Variants in KAZN observed in about 807,000 individuals in gnomAD.
KAZN encodes the protein kazrin.
Under a neutral mutation model 87.4 loss-of-function variants are expected in KAZN, and 40 were observed. The ratio of observed to expected loss-of-function variants is 0.46; its 90% CI spans 0.36 to 0.60. The LOEUF (loss-of-function observed/expected upper bound fraction) is 0.60. Among genes scored for constraint, KAZN ranks in the 20% least tolerant of loss-of-function variants. KAZN has a pLI of 0.00. For missense variants in KAZN, 898 were observed against 1,073.9 expected (o/e 0.84, Z 2.29); for synonymous variants, 466 against 458.3 (o/e 1.02, Z -0.22).
At chr1:14,723,170 T>C (rs1189460186) in intron 1 of KAZN, among the ~76,000 whole-genome samples, 1 of 152,128 alleles carries the variant, frequency 6.6e-6, no homozygotes, top group East Asian at 1.9e-4. Context: ...TTCCTCCTCC[T>C]GACCCTGCGG....
At chr1:15,112,847 G>A (rs1641699717) in intron 14 of KAZN, 2 of 256,950 alleles carry the variant, frequency 7.8e-6, no homozygotes, top group Admixed American at 4.7e-5. Context: ...GACCCACCTT[G>A]GTCTCCTGGA....
intron 1 of KAZN, among the ~76,000 whole-genome samples, chr1:14,051,726 G>A (rs1049175717): frequency 2.0e-5 from 3 of 152,098 alleles, no homozygotes; most frequent in African/African-American, 4.8e-5. Context: ...TGTAGTCCCA[G>A]CTACTTGGGA....
rs372488144 is a variant in KAZN, at chr1:14,916,748, C to CAA, written c.227-43929_227-43928dup. 5.2e-4 allele frequency among the ~76,000 whole-genome samples: 79 copies of CAA among 151,584 alleles called. 1 individual carries two copies. Among genetic ancestry groups the CAA allele is most frequent in the African/African-American group, 1.8e-3 (76 of 41,330 alleles). On this transcript the variant is annotated intron_variant, in intron 1 of 14. Transcript: ENST00000376030. ...GCAACACAGTGAGACCCTATATCTA[C>CAA]AAAAAAAATTAAAAATTAGCTGGGC...
Position 13,996,399 on chromosome 1 carries a change from G to A in KAZN, c.91+102643G>A, listed in dbSNP as rs559106199. ...GCCATTTGAGCTCCTCGAGGGAGGA[G>A]CAGCAGCCAGCACTAGGACCCACAA... On this transcript the variant is annotated intron_variant, in intron 1 of 16. Transcript: ENST00000636203. Among the ~76,000 whole-genome samples the A allele has an allele frequency of 2.6e-5, 4 of 152,288 alleles. No individual in the cohort carries two copies. The East Asian group carries it at 7.7e-4, about 29-fold the overall frequency.
intron 1 of KAZN, among the ~76,000 whole-genome samples, chr1:14,883,033 T>C (rs1197671141): frequency 6.6e-6 from 1 of 152,116 alleles, no homozygotes; most frequent in East Asian, 2.0e-4. Flanking sequence ...CGGTGGCTCA[T>C]ACCTGTAATC....
chr1:14,516,760 C>CTAT (rs1367425901), intron 2 of KAZN, among the ~76,000 whole-genome samples: 1 of 152,180 alleles, frequency 6.6e-6, no homozygotes, highest in Non-Finnish European at 1.5e-5. Context: ...CAGTCCTTAC[C>CTAT]TATTGGTTCC....
rs754013024 is a variant in KAZN at position 14,865,355 on chromosome 1, GC to G, written c.227-95328del. Among the ~76,000 whole-genome samples, 15 of 152,318 alleles carry G rather than the reference GC, an allele frequency of 9.8e-5. 1 individual carries two copies. The highest frequency in any genetic ancestry group is 5.9e-4 in the Admixed American group (9 of 15,292). Reference sequence around the variant, plus strand: ...GACCTGTCTTCTGAAGTTCATTTGTGCTTTTAATAGAATCTACAACACATCT... The same window carrying G: ...GACCTGTCTTCTGAAGTTCATTTGTGTTTTAATAGAATCTACAACACATCT... On this transcript the variant is annotated intron_variant, in intron 1 of 14. Transcript: ENST00000376030.
At chr1:14,780,411 T>G (rs1645296987) in intron 1 of KAZN, among the ~76,000 whole-genome samples, 1 of 152,170 alleles carries the variant, frequency 6.6e-6, no homozygotes, top group Non-Finnish European at 1.5e-5. Flanking sequence ...GTGGGTTCAT[T>G]TACTATTGCA....
intron 2 of KAZN, among the ~76,000 whole-genome samples, chr1:14,379,920 G>A (rs1431829228): frequency 2.0e-5 from 3 of 152,146 alleles, no homozygotes; most frequent in African/African-American, 7.2e-5. Context: ...CCTTAGGCGA[G>A]ACCCAGTGTT....
At chr1:14,890,428 G>A (rs1290590160) in intron 1 of KAZN, among the ~76,000 whole-genome samples, 2 of 152,066 alleles carry the variant, frequency 1.3e-5, no homozygotes, top group Non-Finnish European at 1.5e-5. Context: ...AAAAGTATAG[G>A]ACAAAGAAAC....
chr1:14,298,949 G>A (rs1333624774), intron 2 of KAZN, among the ~76,000 whole-genome samples: 1 of 152,206 alleles, frequency 6.6e-6, no homozygotes, highest in African/African-American at 2.4e-5. Flanking sequence ...TCTGGCCTGT[G>A]AGCAGGACAA....
intron 2 of KAZN, among the ~76,000 whole-genome samples, chr1:14,533,288 G>A (rs180945636): frequency 5.9e-5 from 9 of 152,270 alleles, no homozygotes; most frequent in African/African-American, 1.9e-4. Flanking sequence ...GTAGTGGGGG[G>A]AAAATGAGAT....
At chr1:13,923,154 G>A (rs1159213068) in intron 1 of KAZN, among the ~76,000 whole-genome samples, 5 of 152,162 alleles carry the variant, frequency 3.3e-5, no homozygotes, top group South Asian at 2.1e-4. Flanking sequence ...ACTGCTGACC[G>A]GAAGCCTTAC....
At chr1:14,634,998 A>G (rs911315730) in intron 1 of KAZN, among the ~76,000 whole-genome samples, 2 of 152,196 alleles carry the variant, frequency 1.3e-5, no homozygotes, top group Non-Finnish European at 2.9e-5. Flanking sequence ...GTTCCCAAAC[A>G]GCAAATGTCA....
At chr1:14,848,154 C>T (rs1648999841) in intron 1 of KAZN, among the ~76,000 whole-genome samples, 1 of 152,172 alleles carries the variant, frequency 6.6e-6, no homozygotes, top group Non-Finnish European at 1.5e-5. Flanking sequence ...TTCTTCCTTC[C>T]CACACGTCTC....
chr1:14,770,307 A>G (rs1644988144), intron 1 of KAZN, among the ~76,000 whole-genome samples: 1 of 152,208 alleles, frequency 6.6e-6, no homozygotes, highest in Admixed American at 6.5e-5. Flanking sequence ...CTCATTTTGA[A>G]GCTAATGTAT....
At position 14,694,882 on chromosome 1, in the gene KAZN, T is replaced by C. The variant is rs146579777; in HGVS notation, c.226+95659T>C. 4.7e-3 allele frequency among the ~76,000 whole-genome samples: 723 copies of C among 152,332 alleles called. 4 individuals carry two copies. Among genetic ancestry groups the C allele is most frequent in the African/African-American group, 0.016 (672 of 41,564 alleles). On this transcript the variant is annotated intron_variant, in intron 1 of 14. Coordinates refer to ENST00000376030, the MANE Select transcript of KAZN (RefSeq NM_201628.3). ...ACTAATTTCTGTGTAATCTATATTA[T>C]ACAAGGGCAAGCACAGGGTGTTAGG...
chr1:13,993,785 CA>C (rs1453786482), intron 1 of KAZN, among the ~76,000 whole-genome samples: 1 of 152,180 alleles, frequency 6.6e-6, no homozygotes, highest in East Asian at 1.9e-4. Flanking sequence ...CTGTGAGGGT[CA>C]GGGGTGGGCA....
chr1:14,210,855 G>A (rs1425214383), intron 2 of KAZN, among the ~76,000 whole-genome samples: 6 of 152,090 alleles, frequency 3.9e-5, no homozygotes, highest in South Asian at 2.1e-4. Flanking sequence ...TAAGAGACAC[G>A]TAGAATCTTA....
Sources: allele counts gnomAD v4.1 joint callset (sites outside exome capture counted in the v4.1 genomes callset), GRCh38; gene constraint gnomAD v4.1.1; transcripts MANE v1.5; gene names NCBI Gene and HGNC (gene_info 2026-07-23, HGNC 2026-07-21).